The following FOXK1 variants were observed in gnomAD, a reference collection of about 807,000 sequenced individuals.
FOXK1 encodes forkhead box K1.
In FOXK1, 19 loss-of-function variants were observed where a neutral mutation model predicts 51.9. The observed-to-expected ratio is 0.37, with a 90% CI of 0.26 to 0.54. The LOEUF is 0.54. Among genes scored for constraint, FOXK1 ranks in the 20% least tolerant of loss-of-function variants. The probability of loss-of-function intolerance (pLI) is 0.87; values close to 1 mark genes in which losing one functional copy is unlikely to be tolerated. For missense variants in FOXK1, 870 were observed against 1,032.7 expected (o/e 0.84, Z 2.16); for synonymous variants, 537 against 482.6 (o/e 1.11, Z -1.48).
At chr7:4,760,224 C>T (rs1234520943) in intron 7 of FOXK1, among the ~76,000 whole-genome samples, 4 of 152,168 alleles carry the variant, frequency 2.6e-5, no homozygotes, top group African/African-American at 4.8e-5. Context: ...TCGACTCCCT[C>T]GTAAGTTAAA....
Position 4,705,517 on chromosome 7 carries a change from T to TTCTCTCTCTCTC in FOXK1, c.560+22680_560+22691dup, listed in dbSNP as rs56842360. ...ATTCTTCTGTGTCATTTCCTTCTCT[T>TTCTCTCTCTCTC]TCTCTCTCTCTCTCTCTCTCTCTCT... On this transcript the variant is annotated intron_variant, in intron 1 of 8. Coordinates refer to ENST00000328914, the MANE Select transcript of FOXK1 (RefSeq NM_001037165.2). 2.7e-3 allele frequency among the ~76,000 whole-genome samples: 305 copies of TTCTCTCTCTCTC among 111,424 alleles called. 5 individuals are homozygous for TTCTCTCTCTCTC. Among genetic ancestry groups the TTCTCTCTCTCTC allele is most frequent in the Middle Eastern group, 9.2e-3 (2 of 218 alleles). 73.1% of individuals were successfully genotyped at this position (111,424 alleles called of 152,430 possible). A position where few individuals can be genotyped will look rare whatever the true frequency, so the allele number is the denominator to read the frequency against.
rs1329110770 is a variant in FOXK1 at position 4,747,724 on chromosome 7, G to A, written c.746+6701G>A. On this transcript the variant is annotated intron_variant, in intron 2 of 8. Transcript: ENST00000328914. The surrounding 1 kb of genome is among the most constrained non-coding windows in gnomAD (Gnocchi z 9.2). ...CCAGCTCATTTTTTATTTTCGTTGA[G>A]ATGGTGTCTTGCCCAGGCTGGTCCT... Among the ~76,000 whole-genome samples the A allele has an allele frequency of 6.6e-6, 1 of 151,772 alleles. No individual in the cohort carries two copies. Among genetic ancestry groups the A allele is most frequent in the Non-Finnish European group, 1.5e-5 (1 of 67,974 alleles).
Position 4,762,342 on chromosome 7 carries a change from G to A in FOXK1, c.2080G>A (p.Ala694Thr), listed in dbSNP as rs15715. The A allele has an allele frequency of 5.7e-3, 8,794 of 1,550,842 alleles. 55 individuals carry two copies. The highest frequency in any genetic ancestry group is 5.9e-3 in the Middle Eastern group (34 of 5,730). Residue 694 changes from alanine (A) to threonine (T), a missense_variant, in exon 9 of 9, where the codon GCC becomes ACC. Physicochemically the swap from Ala to Thr is moderately conservative, Grantham distance 58. This residue lies in a region of FOXK1 where 457 missense variants were observed against 510.8 expected (regional missense o/e 0.89). Coordinates refer to ENST00000328914, the MANE Select transcript of FOXK1 (RefSeq NM_001037165.2). The surrounding 1 kb of genome is among the most constrained non-coding windows in gnomAD (Gnocchi z 5.7). ...CACTGCCACCACCGCCTCTGCCTCCGCCTCTTCCACTGGAGAGCCCGAGGT... is the reference window on the plus strand; with the variant it reads ...CACTGCCACCACCGCCTCTGCCTCCACCTCTTCCACTGGAGAGCCCGAGGT... Reference protein sequence around the residue: ...PATATTASASASSTGEPEVKR... With the variant: ...PATATTASASTSSTGEPEVKR...
At position 4,764,803 on chromosome 7, in the gene FOXK1, G is replaced by A. The variant is rs181117745; in HGVS notation, c.*2339G>A. On this transcript the variant is annotated 3_prime_UTR_variant, in exon 9 of 9. Transcript: ENST00000328914. ...AGCTGATGTCTGCAGGGAGCGCCGC[G>A]TGCTGGGATTGCACCACGTGTTGGT... The A allele has an allele frequency of 5.9e-5, 9 of 152,462 alleles. No individual in the cohort carries two copies. Among genetic ancestry groups the A allele is most frequent in the African/African-American group, 2.2e-4 (9 of 41,578 alleles). The allele number at this position is 152,462 out of a possible 1,614,324, so 9.4% of individuals were successfully genotyped here. A position where few individuals can be genotyped will look rare whatever the true frequency, so the allele number is the denominator to read the frequency against.
At chr7:4,721,545 T>TGGCA (rs1780310348) in intron 1 of FOXK1, among the ~76,000 whole-genome samples, 2 of 152,018 alleles carry the variant, frequency 1.3e-5, no homozygotes, top group African/African-American at 4.8e-5. Flanking sequence ...AGCTCACAGA[T>TGGCA]GGCAGCCTAA....
intron 1 of FOXK1, among the ~76,000 whole-genome samples, chr7:4,697,499 A>T (rs1314278954): frequency 2.0e-5 from 3 of 151,940 alleles, no homozygotes; most frequent in Non-Finnish European, 4.4e-5. Context: ...GACCATGTGG[A>T]CCCCAGAGCC....
At chr7:4,708,936 G>A (rs772336966) in intron 1 of FOXK1, among the ~76,000 whole-genome samples, 1 of 152,042 alleles carries the variant, frequency 6.6e-6, no homozygotes, top group Non-Finnish European at 1.5e-5. Flanking sequence ...GTGATGGCGT[G>A]TGCCTGTAGT....
rs1210613883 is a variant in FOXK1 at position 4,730,517 on chromosome 7, C to T, written c.561-10321C>T. On this transcript the variant is annotated intron_variant, in intron 1 of 8. Coordinates refer to ENST00000328914, the MANE Select transcript of FOXK1 (RefSeq NM_001037165.2). This position sits in a 1 kb window ranked among gnomAD's most constrained non-coding sequence, Gnocchi z 4.7. Reference sequence around the variant, plus strand: ...GCAGGCACCAGTGCTGGTTCCGTGTCTGTCGGGGAGGGGATGGACGTTTGT... The same window carrying T: ...GCAGGCACCAGTGCTGGTTCCGTGTTTGTCGGGGAGGGGATGGACGTTTGT... Among the ~76,000 whole-genome samples the T allele has an allele frequency of 6.6e-6, 1 of 152,218 alleles. No homozygotes were observed. Among genetic ancestry groups the T allele is most frequent in the East Asian group, 1.9e-4 (1 of 5,192 alleles).
At position 4,685,273 on chromosome 7, in the gene FOXK1, TGGAGTGCAGTGGCTCACTG is replaced by T. The variant is rs1252706719; in HGVS notation, c.560+2406_560+2424del. ...TGGAGTCTCGCTCTGTTGTCCAGAC[TGGAGTGCAGTGGCTCACTG>T]CAAACTCTACCTCCCGGGTTCAAGA... On this transcript the variant is annotated intron_variant, in intron 1 of 8. Transcript: ENST00000328914. 8.2e-5 allele frequency among the ~76,000 whole-genome samples: 12 copies of T among 145,758 alleles called. No homozygotes were observed. In the East Asian group the frequency reaches 2.3e-3, roughly 28 times the overall value.
At chr7:4,690,012 C>T (rs1319903547) in intron 1 of FOXK1, among the ~76,000 whole-genome samples, 1 of 152,154 alleles carries the variant, frequency 6.6e-6, no homozygotes, top group African/African-American at 2.4e-5. Flanking sequence ...GGTGCTGTCT[C>T]GCTTCTCCAC....
intron 1 of FOXK1, among the ~76,000 whole-genome samples, chr7:4,689,087 C>T (rs539023877): frequency 2.0e-5 from 3 of 151,946 alleles, no homozygotes; most frequent in Non-Finnish European, 4.4e-5. Context: ...AAGCAATTCT[C>T]CTGCCTCAGC....
Position 4,757,125 on chromosome 7 carries a change from C to T in FOXK1, c.1182C>T (p.Phe394=), listed in dbSNP as rs148352982. 3.0e-5 allele frequency: 49 copies of T among 1,613,334 alleles called. No homozygotes were observed. The highest frequency in any genetic ancestry group is 1.4e-5 in the Non-Finnish European group (17 of 1,179,954). ...AAGCCAAGCTCGTGGAACAGGCATTCCGGAAACGGAGGCAGAGGGGTGTCT... is the reference window on the plus strand; with the variant it reads ...AAGCCAAGCTCGTGGAACAGGCATTTCGGAAACGGAGGCAGAGGGGTGTCT... ...ASEAKLVEQA[F]RKRRQRGVSC... The change falls in exon 5 of 9, where the codon TTC becomes TTT. Residue 394 remains phenylalanine (F), a synonymous_variant. Coordinates refer to ENST00000328914, the MANE Select transcript of FOXK1 (RefSeq NM_001037165.2).
Position 4,731,770 on chromosome 7 carries a change from A to G in FOXK1, c.561-9068A>G, listed in dbSNP as rs1183185190. ...CGAAACTCTGCCTCAAAAAAAAAAA[A>G]AAAAAAAGAAAACAGAGAGGCCTGC... is the stretch of plus-strand genomic sequence containing the variant. On this transcript the variant is annotated intron_variant, in intron 1 of 8. Coordinates refer to ENST00000328914, the MANE Select transcript of FOXK1 (RefSeq NM_001037165.2). The surrounding 1 kb of genome is among the most constrained non-coding windows in gnomAD (Gnocchi z 5.3). 6.6e-6 allele frequency among the ~76,000 whole-genome samples: 1 copy of G among 152,106 alleles called. No individual in the cohort carries two copies. The highest frequency in any genetic ancestry group is 2.4e-5 in the African/African-American group (1 of 41,434).
Position 4,731,070 on chromosome 7 carries a change from C to G in FOXK1, c.561-9768C>G, listed in dbSNP as rs1035221174. 1.2e-4 allele frequency among the ~76,000 whole-genome samples: 19 copies of G among 152,312 alleles called. No homozygotes were observed. The East Asian group carries it at 3.7e-3, about 29-fold the overall frequency. Reference sequence around the variant, plus strand: ...GGAGTTTAAGCAAACACTGCAGGGCCTCCGGCATTCCAGTTTCAGGCCTTA... The same window carrying G: ...GGAGTTTAAGCAAACACTGCAGGGCGTCCGGCATTCCAGTTTCAGGCCTTA... On this transcript the variant is annotated intron_variant, in intron 1 of 8. Coordinates refer to ENST00000328914, the MANE Select transcript of FOXK1 (RefSeq NM_001037165.2). The surrounding 1 kb of genome is among the most constrained non-coding windows in gnomAD (Gnocchi z 5.3).
chr7:4,767,385 G>GCGGC lies in FOXK1; in HGVS notation c.*4922_*4923insGGCC, dbSNP rs1781028081. On this transcript the variant is annotated 3_prime_UTR_variant, in exon 9 of 9. Coordinates refer to ENST00000328914, the MANE Select transcript of FOXK1 (RefSeq NM_001037165.2). The surrounding 1 kb of genome is among the most constrained non-coding windows in gnomAD (Gnocchi z 6.6). ...CGGGCGGCCTGGCTGCGGTAGGTCTGCTGCAAGGAGCCACCACGGGGACTG... is the reference window on the plus strand; with the variant it reads ...CGGGCGGCCTGGCTGCGGTAGGTCTGCGGCCTGCAAGGAGCCACCACGGGGACTG... 1 of 152,298 alleles carries GCGGC rather than the reference G, an allele frequency of 6.6e-6. No homozygotes were observed. Among genetic ancestry groups the GCGGC allele is most frequent in the Non-Finnish European group, 1.5e-5 (1 of 68,074 alleles). The allele number at this position is 152,298 out of a possible 1,614,324, so 9.4% of individuals were successfully genotyped here. A position where few individuals can be genotyped will look rare whatever the true frequency, so the allele number is the denominator to read the frequency against.
intron 1 of FOXK1, among the ~76,000 whole-genome samples, chr7:4,717,111 G>T (rs900991256): frequency 2.0e-5 from 3 of 146,840 alleles, no homozygotes; most frequent in African/African-American, 7.5e-5. Flanking sequence ...TGAGAGGTGC[G>T]TGGCTGGGAA....
chr7:4,711,769 G>A lies in FOXK1; in HGVS notation c.560+28901G>A, dbSNP rs776260540. Among the ~76,000 whole-genome samples the A allele has an allele frequency of 1.3e-4, 20 of 152,246 alleles. No individual in the cohort carries two copies. Among genetic ancestry groups the A allele is most frequent in the Admixed American group, 6.5e-4 (10 of 15,288 alleles). ...CTGGGCTCAGCCACAAGTCGGCAAC[G>A]TAGTGCCTCCAGGGCAGATGCCACG... On this transcript the variant is annotated intron_variant, in intron 1 of 8. Coordinates refer to ENST00000328914, the MANE Select transcript of FOXK1 (RefSeq NM_001037165.2). This position sits in a 1 kb window ranked among gnomAD's most constrained non-coding sequence, Gnocchi z 6.3.
intron 1 of FOXK1, among the ~76,000 whole-genome samples, chr7:4,696,825 T>A (rs1192627555): frequency 6.6e-6 from 1 of 152,174 alleles, no homozygotes; most frequent in Non-Finnish European, 1.5e-5. Flanking sequence ...CCTAACACTT[T>A]GGGAGGCTGA....
rs372638547 is a variant in FOXK1 at position 4,734,551 on chromosome 7, TG to T, written c.561-6286del. Among the ~76,000 whole-genome samples, 357 of 152,180 alleles carry T rather than the reference TG, an allele frequency of 2.3e-3. 1 individual carries two copies. The highest frequency in any genetic ancestry group is 8.2e-3 in the African/African-American group (339 of 41,524). On this transcript the variant is annotated intron_variant, in intron 1 of 8. Transcript: ENST00000328914. The surrounding 1 kb of genome is among the most constrained non-coding windows in gnomAD (Gnocchi z 5.2). ...GTGTCTGTTCTTGTGGAAGGGGAGGTGCCCCCCGGCCCACCCCCCCGCTGCC... is the reference window on the plus strand; with the variant it reads ...GTGTCTGTTCTTGTGGAAGGGGAGGTCCCCCCGGCCCACCCCCCCGCTGCC...
Sources: allele counts gnomAD v4.1 joint callset (sites outside exome capture counted in the v4.1 genomes callset), GRCh38; gene constraint gnomAD v4.1.1; regional missense constraint gnomAD v4.1.1; non-coding constraint Gnocchi (gnomAD v3.1); transcripts MANE v1.5; gene names NCBI Gene and HGNC (gene_info 2026-07-23, HGNC 2026-07-21).